PPP2R2C: variants seen among roughly 807,000 people sequenced by gnomAD.
The protein encoded by PPP2R2C is protein phosphatase 2, regulatory subunit B, gamma.
In PPP2R2C, 10 loss-of-function variants were observed where a neutral mutation model predicts 45.3. The observed-to-expected ratio is 0.22, with a 90% CI of 0.14 to 0.37. PPP2R2C has a LOEUF of 0.37. Ranked by LOEUF, PPP2R2C falls within the 10% of genes least tolerant of loss-of-function variation. The pLI is 1.00. For missense variants in PPP2R2C, 308 were observed against 619.7 expected, an observed-to-expected ratio of 0.50 and a Z score of 5.34; for synonymous variants, 257 against 245.4, an observed-to-expected ratio of 1.05 and a Z score of -0.44.
chr4:6,469,188 C>T (rs1011681445), intron 1 of PPP2R2C, among the ~76,000 whole-genome samples: 1 of 149,158 alleles, frequency 6.7e-6, no homozygotes, highest in African/African-American at 2.5e-5. Flanking sequence ...TGAGATTTTA[C>T]AAGAGACTCA....
chr4:6,410,635 T>TGTGGCTGGACGTGAA (rs1272071872), intron 1 of PPP2R2C, among the ~76,000 whole-genome samples: 11 of 151,792 alleles, frequency 7.2e-5, no homozygotes, highest in African/African-American at 2.7e-4. Context: ...TGTGAGGGGG[T>TGTGGCTGGACGTGAA]GTGGCTGGAC....
intron 1 of PPP2R2C, chr4:6,384,761 C>T (rs371974049): frequency 1.0e-5 from 10 of 985,338 alleles, no homozygotes; most frequent in Admixed American, 1.2e-4. Flanking sequence ...TTTAACCTCA[C>T]GCCAGCCCCT....
chr4:6,365,069 T>C (rs1040520441), intron 5 of PPP2R2C, among the ~76,000 whole-genome samples: 1 of 152,210 alleles, frequency 6.6e-6, no homozygotes, highest in Non-Finnish European at 1.5e-5. Context: ...GTGCTTGGCT[T>C]GGATCATCAC....
intron 2 of PPP2R2C, among the ~76,000 whole-genome samples, chr4:6,533,940 A>G (rs1724491603): frequency 1.3e-5 from 2 of 151,834 alleles, no homozygotes; most frequent in South Asian, 4.2e-4. Context: ...ATACACATCA[A>G]TAAGCTCACC....
chr4:6,389,162 A>G (rs998601154), intron 1 of PPP2R2C, among the ~76,000 whole-genome samples: 2 of 152,182 alleles, frequency 1.3e-5, no homozygotes, highest in East Asian at 3.9e-4. Flanking sequence ...GGGAATTGAC[A>G]TCCCTGCCTG....
At chr4:6,409,952 C>T (rs1229235946) in intron 1 of PPP2R2C, among the ~76,000 whole-genome samples, 1 of 152,210 alleles carries the variant, frequency 6.6e-6, no homozygotes, top group East Asian at 1.9e-4. Flanking sequence ...CCTTCCCTGC[C>T]TTCTGCTCTC....
intron 6 of PPP2R2C, among the ~76,000 whole-genome samples, chr4:6,343,598 T>C (rs1711542729): frequency 6.6e-6 from 1 of 152,060 alleles, no homozygotes; most frequent in African/African-American, 2.4e-5. Flanking sequence ...CACACACCTG[T>C]AATCCCAGCT....
At chr4:6,397,163 C>T (rs1331694246) in intron 1 of PPP2R2C, among the ~76,000 whole-genome samples, 2 of 152,176 alleles carry the variant, frequency 1.3e-5, no homozygotes, top group Non-Finnish European at 2.9e-5. Context: ...GTAAGAGAAG[C>T]GTGGCCCTTC....
intron 1 of PPP2R2C, among the ~76,000 whole-genome samples, chr4:6,403,954 G>C (rs1717620140): frequency 6.6e-6 from 1 of 152,054 alleles, no homozygotes. Context: ...GGAGAAAAGA[G>C]CACTGGGATG....
chr4:6,432,794 A>G (rs1407422111), intron 1 of PPP2R2C, among the ~76,000 whole-genome samples: 1 of 152,152 alleles, frequency 6.6e-6, no homozygotes, highest in Non-Finnish European at 1.5e-5. Flanking sequence ...AGCCTCTTGG[A>G]TTTTAGAATA....
chr4:6,434,140 C>T (rs1719765906), intron 1 of PPP2R2C, among the ~76,000 whole-genome samples: 1 of 152,140 alleles, frequency 6.6e-6, no homozygotes, highest in Non-Finnish European at 1.5e-5. Flanking sequence ...TTGCACCTTG[C>T]TCATTTCACC....
chr4:6,518,859 G>T (rs1040221259), intron 2 of PPP2R2C, among the ~76,000 whole-genome samples: 1 of 141,520 alleles, frequency 7.1e-6, no homozygotes, highest in Non-Finnish European at 1.5e-5. Context: ...AGAGGTGGAG[G>T]TTGCAGTGAG....
chr4:6,366,276 C>T (rs77154735), intron 5 of PPP2R2C, among the ~76,000 whole-genome samples: 12,367 of 152,280 alleles, frequency 0.081, 578 homozygotes, highest in East Asian at 0.17. Flanking sequence ...CAATGGGTCT[C>T]AGCCCAGGCC....
rs981093515 is a variant in PPP2R2C, at chr4:6,329,527, C to T, written c.961-174G>A. On this transcript the variant is annotated intron_variant, in intron 7 of 8. Transcript: ENST00000382599. This position sits in a 1 kb window ranked among gnomAD's most constrained non-coding sequence, Gnocchi z 5.8. ...TGACACAGCCCGACACAGCCCTGCT[C>T]ATCTCATCGGGAGGCCCATGACCAG... Among the ~76,000 whole-genome samples the T allele has an allele frequency of 2.0e-5, 3 of 152,176 alleles. No individual in the cohort carries two copies. The highest frequency in any genetic ancestry group is 4.4e-5 in the Non-Finnish European group (3 of 68,036).
At chr4:6,529,606 T>C (rs1314061127) in intron 2 of PPP2R2C, among the ~76,000 whole-genome samples, 2 of 152,184 alleles carry the variant, frequency 1.3e-5, no homozygotes, top group Admixed American at 6.5e-5. Flanking sequence ...GCAGCTCCAC[T>C]GACTCCAAAG....
chr4:6,382,276 T>C, intron 1 of PPP2R2C: 1 of 1,251,492 alleles, frequency 8.0e-7, no homozygotes, highest in Non-Finnish European at 1.0e-6. Flanking sequence ...CTGTCGTTCT[T>C]TGCTCTCCTG....
intron 2 of PPP2R2C, among the ~76,000 whole-genome samples, chr4:6,514,261 T>C (rs1048756277): frequency 6.6e-6 from 1 of 152,378 alleles, no homozygotes; most frequent in Non-Finnish European, 1.5e-5. Flanking sequence ...ATTTACTAAA[T>C]GAACCAAGTG....
At chr4:6,535,220 G>T in intron 2 of PPP2R2C, 2 of 1,525,576 alleles carry the variant, frequency 1.3e-6, no homozygotes, top group Non-Finnish European at 1.8e-6. Flanking sequence ...CACAGCCCAC[G>T]TCCCCAAGCT....
chr4:6,411,274 T>C (rs969776685), intron 1 of PPP2R2C, among the ~76,000 whole-genome samples: 1 of 152,108 alleles, frequency 6.6e-6, no homozygotes, highest in Non-Finnish European at 1.5e-5. Context: ...CTCCAGCCCC[T>C]GCAATCCTCC....
Sources: gnomAD v4.1 joint callset for allele counts (sites outside exome capture counted in the v4.1 genomes callset) on GRCh38, gnomAD v4.1.1 for gene constraint, Gnocchi (gnomAD v3.1) non-coding constraint, MANE v1.5 for transcripts, NCBI Gene and HGNC (gene_info 2026-07-23, HGNC 2026-07-21) for gene names.